PRKG1: variants seen among roughly 807,000 people sequenced by gnomAD.
PRKG1 encodes protein kinase cGMP-dependent 1, also known as cGMP-dependent protein kinase 1.
In PRKG1, 35 loss-of-function variants were observed where a neutral mutation model predicts 88.1. The ratio of observed to expected loss-of-function variants is 0.40; its 90% confidence interval spans 0.30 to 0.53. PRKG1 has a LOEUF of 0.53. PRKG1 is among the 20% of genes least tolerant of loss of function. The pLI, the probability that PRKG1 is intolerant of heterozygous loss-of-function variation, is 0.59. For missense variants in PRKG1, 540 were observed against 839.8 expected, an observed-to-expected ratio of 0.64 and a Z score of 4.41; for synonymous variants, 303 against 292.5, an observed-to-expected ratio of 1.04 and a Z score of -0.37.
At chr10:51,020,840 A>G (rs963792222) in intron 1 of PRKG1, among the ~76,000 whole-genome samples, 1 of 152,144 alleles carries the variant, frequency 6.6e-6, no homozygotes, top group African/African-American at 2.4e-5. Flanking sequence ...AAGTTTCATG[A>G]GTCAAAATTG....
chr10:52,167,428 C>T (rs553586489), intron 9 of PRKG1, among the ~76,000 whole-genome samples: 3 of 152,232 alleles, frequency 2.0e-5, no homozygotes, highest in Non-Finnish European at 4.4e-5. Flanking sequence ...GAGATTTAGA[C>T]AGGACAAATA....
intron 1 of PRKG1, among the ~76,000 whole-genome samples, chr10:51,001,953 T>C (rs553080118): frequency 6.7e-5 from 2 of 30,046 alleles, no homozygotes; most frequent in South Asian, 1.5e-3. Context: ...GTACATATGG[T>C]CTTACATTTT....
At chr10:51,698,948 A>T (rs1487600070) in intron 3 of PRKG1, 1 of 1,614,114 alleles carries the variant, frequency 6.2e-7, no homozygotes, top group Non-Finnish European at 8.5e-7. Context: ...TTTGCCTGGG[A>T]TCAGTGGTGT....
At chr10:51,059,288 T>C (rs530794110) in intron 1 of PRKG1, among the ~76,000 whole-genome samples, 1 of 152,242 alleles carries the variant, frequency 6.6e-6, no homozygotes, top group Admixed American at 6.5e-5. Flanking sequence ...AGTCTTTTAA[T>C]AATTCACCAT....
rs147146627 is a variant in PRKG1, at chr10:51,937,522, A to G, written c.762+29952A>G. Among the ~76,000 whole-genome samples, 1,028 of 152,180 alleles carry G rather than the reference A, an allele frequency of 6.8e-3. 7 individuals are homozygous for G. Among genetic ancestry groups the G allele is most frequent in the Non-Finnish European group, 0.011 (762 of 67,964 alleles). ...GGTTAGTCTGAATTCTTTTCGTTCC[A>G]GTCTGACTTAAGAAATCAGATCCAA... On this transcript the variant is annotated intron_variant, in intron 5 of 17. Coordinates refer to ENST00000373980, the MANE Select transcript of PRKG1 (RefSeq NM_006258.4).
chr10:51,819,669 G>A (rs1455559218), intron 4 of PRKG1, among the ~76,000 whole-genome samples: 1 of 152,132 alleles, frequency 6.6e-6, no homozygotes, highest in Admixed American at 6.5e-5. Context: ...GAGTCTAGGG[G>A]AGTAAGTGAC....
At chr10:51,443,739 C>T (rs1839187895) in intron 2 of PRKG1, among the ~76,000 whole-genome samples, 1 of 151,976 alleles carries the variant, frequency 6.6e-6, no homozygotes, top group Non-Finnish European at 1.5e-5. Context: ...ATTTGGGGAA[C>T]TTTAAGAGCT....
chr10:51,181,151 A>G (rs888227316), intron 2 of PRKG1, among the ~76,000 whole-genome samples: 2 of 151,978 alleles, frequency 1.3e-5, no homozygotes, highest in Non-Finnish European at 2.9e-5. Context: ...TGCAAAAACA[A>G]AAACGAAATC....
At chr10:51,362,829 C>T (rs1842511627) in intron 2 of PRKG1, among the ~76,000 whole-genome samples, 1 of 151,846 alleles carries the variant, frequency 6.6e-6, no homozygotes, top group Non-Finnish European at 1.5e-5. Context: ...TTCCCTGTGT[C>T]CATGTGTTCT....
intron 5 of PRKG1, among the ~76,000 whole-genome samples, chr10:51,952,447 A>G (rs1843206880): frequency 6.6e-6 from 1 of 152,194 alleles, no homozygotes; most frequent in African/African-American, 2.4e-5. Flanking sequence ...CTTTTGGACA[A>G]TACAATATGA....
At position 52,275,944 on chromosome 10, in the gene PRKG1, C is replaced by A. The variant is rs1841863076; in HGVS notation, c.1403+3463C>A. On this transcript the variant is annotated intron_variant, in intron 12 of 17. Coordinates refer to ENST00000373980, the MANE Select transcript of PRKG1 (RefSeq NM_006258.4). The stretch of plus-strand genomic sequence containing the variant: ...TGGTTTTTTGTTTGTTTGTTTGCAG[C>A]TATTGTAAAAGGGGTTGAGTTCTTG... 2.0e-5 allele frequency among the ~76,000 whole-genome samples: 3 copies of A among 151,964 alleles called. No individual in the cohort carries two copies. The South Asian group carries it at 6.2e-4, about 32-fold the overall frequency.
intron 7 of PRKG1, among the ~76,000 whole-genome samples, chr10:52,076,462 C>G (rs34848107): frequency 0.037 from 5,600 of 152,170 alleles, 120 homozygotes; most frequent in Middle Eastern, 0.058. Context: ...GAGGCTGAGG[C>G]AGGAGAATCG....
chr10:51,992,609 A>T (rs1844342221), intron 5 of PRKG1, among the ~76,000 whole-genome samples: 1 of 152,076 alleles, frequency 6.6e-6, no homozygotes, highest in Non-Finnish European at 1.5e-5. Flanking sequence ...TGTCTTCAAC[A>T]TTACTGCCCC....
chr10:51,966,026 A>G (rs560107131), intron 5 of PRKG1, among the ~76,000 whole-genome samples: 1 of 152,210 alleles, frequency 6.6e-6, no homozygotes, highest in Non-Finnish European at 1.5e-5. Flanking sequence ...TGCACCAAGA[A>G]TAATTATTCT....
intron 8 of PRKG1, among the ~76,000 whole-genome samples, chr10:52,157,306 G>GAGAGAT (rs1289803162): frequency 1.6e-4 from 20 of 125,918 alleles, no homozygotes; most frequent in Non-Finnish European, 1.8e-4. Flanking sequence ...TGAGTTAGTT[G>GAGAGAT]ATATATATAT....
chr10:51,929,473 G>A (rs1842644935), intron 5 of PRKG1, among the ~76,000 whole-genome samples: 1 of 150,010 alleles, frequency 6.7e-6, no homozygotes, highest in South Asian at 2.1e-4. Context: ...ACCTCAGTCT[G>A]TGGAGTAGCT....
chr10:51,901,667 CA>C (rs1317750631), intron 4 of PRKG1, among the ~76,000 whole-genome samples: 1 of 152,176 alleles, frequency 6.6e-6, no homozygotes, highest in Non-Finnish European at 1.5e-5. Context: ...ATCATGTCTA[CA>C]TTTTAAAAAT....
rs145627088 is a variant in PRKG1 at position 51,731,542 on chromosome 10, C to A, written c.593-73043C>A. Among the ~76,000 whole-genome samples, 623 of 152,202 alleles carry A rather than the reference C, an allele frequency of 4.1e-3. 1 individual carries two copies. The highest frequency in any genetic ancestry group is 0.015 in the African/African-American group (603 of 41,538). On this transcript the variant is annotated intron_variant, in intron 3 of 17. Transcript: ENST00000373980. ...GAGAAAATTTAGCCGTTAAAATATT[C>A]GGGACTTCCAGTATTTAGTTTTCTA...
chr10:52,115,503 T>C (rs530701842), intron 7 of PRKG1, among the ~76,000 whole-genome samples: 6 of 152,236 alleles, frequency 3.9e-5, no homozygotes, highest in African/African-American at 1.4e-4. Context: ...GACATGACCA[T>C]CTCACTTTCT....
Sources: gnomAD v4.1 joint callset for allele counts (sites outside exome capture counted in the v4.1 genomes callset) on GRCh38, gnomAD v4.1.1 for gene constraint, MANE v1.5 for transcripts, NCBI Gene and HGNC (gene_info 2026-07-23, HGNC 2026-07-21) for gene names.